The following EIF4H variants were observed in gnomAD, a reference collection of about 807,000 sequenced individuals.
EIF4H encodes eukaryotic translation initiation factor 4H.
EIF4H carries 8 observed loss-of-function variants against 30.6 expected under a neutral mutation model. The ratio of observed to expected loss-of-function variants is 0.26; its 90% CI spans 0.15 to 0.47. The LOEUF (loss-of-function observed/expected upper bound fraction) is 0.47, where lower values mean the gene tolerates loss of function less well. Among genes scored for constraint, EIF4H ranks in the 20% least tolerant of loss-of-function variants. The pLI, the probability that EIF4H is intolerant of heterozygous loss-of-function variation, is 0.99. For synonymous variants in EIF4H, 106 were observed against 122.7 expected, an observed-to-expected ratio of 0.86 and a Z score of 0.90; for missense variants, 188 against 339.5, an observed-to-expected ratio of 0.55 and a Z score of 3.51.
Position 74,196,690 on chromosome 7 carries a change from G to A in EIF4H, c.*1382G>A, listed in dbSNP as rs1341957722. ...CCAGGGTGGCCTGGGGCACCCAGCGGAATGTGCTTAGTATTTGGTCACCAG... is the reference window on the plus strand; with the variant it reads ...CCAGGGTGGCCTGGGGCACCCAGCGAAATGTGCTTAGTATTTGGTCACCAG... On this transcript the variant is annotated 3_prime_UTR_variant, in exon 7 of 7. Transcript: ENST00000265753. 2 of 151,520 alleles carry A rather than the reference G, an allele frequency of 1.3e-5. No homozygotes were observed. Among genetic ancestry groups the A allele is most frequent in the African/African-American group, 4.8e-5 (2 of 41,252 alleles). The allele number at this position is 151,520 out of a possible 1,614,324, so 9.4% of individuals were successfully genotyped here.
At chr7:74,180,410 A>G (rs1358278181) in intron 1 of EIF4H, among the ~76,000 whole-genome samples, 3 of 152,224 alleles carry the variant, frequency 2.0e-5, no homozygotes, top group Admixed American at 2.0e-4. Flanking sequence ...AGGGTACTAA[A>G]AAGTGGGTCA....
intron 6 of EIF4H, 102 bp from the exon 7 acceptor site, chr7:74,195,067 T>A (rs1801313013): frequency 6.5e-7 from 1 of 1,546,792 alleles, no homozygotes; most frequent in South Asian, 1.2e-5. Flanking sequence ...CAGGTGAATT[T>A]TAGAAAGTGG....
intron 1 of EIF4H, among the ~76,000 whole-genome samples, chr7:74,183,063 T>C (rs1800999439): frequency 6.6e-6 from 1 of 152,214 alleles, no homozygotes; most frequent in African/African-American, 2.4e-5. Context: ...GTTTGTGCCT[T>C]CTCTACATTC....
In EIF4H at chr7:74,175,154, AT is replaced by A. The variant is rs200137346; in HGVS notation, c.59+715del. 6.0e-3 allele frequency among the ~76,000 whole-genome samples: 910 copies of A among 152,370 alleles called. 6 individuals are homozygous for A. Among genetic ancestry groups the A allele is most frequent in the Middle Eastern group, 0.01 (3 of 294 alleles). On this transcript the variant is annotated intron_variant, in intron 1 of 6. Transcript: ENST00000265753. Reference sequence around the variant, plus strand: ...CGCTCTGATCTGGAGAAGGAACCGCATTTAGCGTCGTCCTGATTGTTGTCAA... The same window carrying A: ...CGCTCTGATCTGGAGAAGGAACCGCATTAGCGTCGTCCTGATTGTTGTCAA...
intron 1 of EIF4H, among the ~76,000 whole-genome samples, chr7:74,178,576 G>A (rs1800891005): frequency 6.6e-6 from 1 of 151,918 alleles, no homozygotes; most frequent in South Asian, 2.1e-4. Context: ...TAAGCTTAGT[G>A]TTCTGGAAAG....
At chr7:74,193,983 T>C (rs1393940556) in intron 5 of EIF4H, among the ~76,000 whole-genome samples, 2 of 152,200 alleles carry the variant, frequency 1.3e-5, no homozygotes, top group African/African-American at 2.4e-5. Flanking sequence ...CTTAAGACCA[T>C]TGAGAAAATA....
chr7:74,176,638 A>T (rs565162009), intron 1 of EIF4H, among the ~76,000 whole-genome samples: 17 of 152,320 alleles, frequency 1.1e-4, no homozygotes, highest in African/African-American at 4.1e-4. Context: ...TCATCATAAA[A>T]CATAGTTTGG....
chr7:74,174,646 T>A (rs755883218), intron 1 of EIF4H, among the ~76,000 whole-genome samples: 3 of 151,550 alleles, frequency 2.0e-5, no homozygotes, highest in Non-Finnish European at 4.4e-5. Flanking sequence ...GGGTCTTGCT[T>A]GCGGGGCGGA....
chr7:74,182,464 T>G (rs1800984373), intron 1 of EIF4H, among the ~76,000 whole-genome samples: 1 of 152,238 alleles, frequency 6.6e-6, no homozygotes, highest in African/African-American at 2.4e-5. Context: ...GTGCCGGGAT[T>G]GCAGGTGTGA....
rs538029737 is a variant in EIF4H, at chr7:74,192,261, T to G, written c.469+1955T>G. On this transcript the variant is annotated intron_variant, in intron 5 of 6. Coordinates refer to ENST00000265753, the MANE Select transcript of EIF4H (RefSeq NM_022170.2). ...GTTTAGTTTGGGGGAAACGTGAAGT[T>G]AAATGTTTTAATACTAACTAGGCTT... Among the ~76,000 whole-genome samples the G allele has an allele frequency of 3.5e-4, 53 of 152,316 alleles. 2 individuals are homozygous for G. In the South Asian group the frequency reaches 0.01, roughly 30 times the overall value.
Position 74,196,508 on chromosome 7 carries a change from G to A in EIF4H, c.*1200G>A, listed in dbSNP as rs1801356634. On this transcript the variant is annotated 3_prime_UTR_variant, in exon 7 of 7. Coordinates refer to ENST00000265753, the MANE Select transcript of EIF4H (RefSeq NM_022170.2). ...ATGTGCAGGGTTCAGCAGTTATGTG[G>A]GAGTGCTAGGGGTTAGGCTTTTGAG... The A allele has an allele frequency of 6.6e-6, 1 of 152,456 alleles. No individual in the cohort carries two copies. Among genetic ancestry groups the A allele is most frequent in the South Asian group, 2.1e-4 (1 of 4,836 alleles). 9.4% of individuals were successfully genotyped at this position (152,456 alleles called of 1,614,324 possible).
Position 74,186,798 on chromosome 7 carries a change from T to A in EIF4H, c.60-813T>A, listed in dbSNP as rs1554709224. On this transcript the variant is annotated intron_variant, in intron 1 of 6. Coordinates refer to ENST00000265753, the MANE Select transcript of EIF4H (RefSeq NM_022170.2). ...AGGCAACAAGGAGAAATTTTTTTTT[T>A]TTTTTTTTTTTTTTTTTTTTTTTTT... is the stretch of plus-strand genomic sequence containing the variant. Among the ~76,000 whole-genome samples the A allele has an allele frequency of 2.3e-3, 22 of 9,442 alleles. 5 individuals are homozygous for A. The highest frequency in any genetic ancestry group is 0.011 in the African/African-American group (15 of 1,366). The allele number at this position is 9,442 out of a possible 152,430, so 6.2% of individuals were successfully genotyped here. A position where few individuals can be genotyped will look rare whatever the true frequency, so the allele number is the denominator to read the frequency against.
chr7:74,174,479 G>GA (rs1800789590), intron 1 of EIF4H, 37 bp downstream of exon 1: 2 of 1,364,552 alleles, frequency 1.5e-6, no homozygotes, highest in African/African-American at 3.0e-5. Context: ...CGGGGGCTGC[G>GA]GGACCGGCGG....
At chr7:74,184,552 A>G (rs968534517) in intron 1 of EIF4H, among the ~76,000 whole-genome samples, 1 of 152,192 alleles carries the variant, frequency 6.6e-6, no homozygotes, top group Non-Finnish European at 1.5e-5. Context: ...ATCATTACGC[A>G]TCACTAGATG....
rs2115979189 is a variant in EIF4H at position 74,189,694 on chromosome 7, A to G, written c.269A>G (p.Asp90Gly). 2 of 1,614,104 alleles carry G rather than the reference A, an allele frequency of 1.2e-6. No homozygotes were observed. Among genetic ancestry groups the G allele is most frequent in the African/African-American group, 1.3e-5 (1 of 75,058 alleles). ...KFKGFCYVEF[D>G]EVDSLKEALT... is the part of the protein sequence containing the mutation. ...CCAGGATTCTGCTATGTAGAATTCG[A>G]TGAAGTGGATTCCCTTAAGGAAGCC... Residue 90 changes from aspartate (D) to glycine (G), a missense_variant, in exon 3 of 7, where the codon GAT becomes GGT. Asp to Gly is a moderately conservative substitution (Grantham distance 94). Around this residue, in one of 4 missense-constraint regions of EIF4H, gnomAD observed 52 missense variants for 143.9 expected, o/e 0.36. Coordinates refer to ENST00000265753, the MANE Select transcript of EIF4H (RefSeq NM_022170.2).
Position 74,174,363 on chromosome 7 carries a change from C to G in EIF4H, c.-21C>G. 6.9e-7 allele frequency: 1 copy of G among 1,444,432 alleles called. No homozygotes were observed. The highest frequency in any genetic ancestry group is 9.2e-7 in the Non-Finnish European group (1 of 1,084,218). The allele number at this position is 1,444,432 out of a possible 1,614,324, so 89.5% of individuals were successfully genotyped here. A position where few individuals can be genotyped will look rare whatever the true frequency, so the allele number is the denominator to read the frequency against. On this transcript the variant is annotated 5_prime_UTR_variant, in exon 1 of 7. Coordinates refer to ENST00000265753, the MANE Select transcript of EIF4H (RefSeq NM_022170.2). Reference sequence around the variant, plus strand: ...GGTCCTTCCTCGCTCACCCTGGTTCCTCTCGGAGCGGAGACGGCAAATGGC... The same window carrying G: ...GGTCCTTCCTCGCTCACCCTGGTTCGTCTCGGAGCGGAGACGGCAAATGGC...
Position 74,174,358 on chromosome 7 carries a change from G to C in EIF4H, c.-26G>C, listed in dbSNP as rs782660185. The C allele has an allele frequency of 2.8e-6, 4 of 1,438,748 alleles. No homozygotes were observed. The highest frequency in any genetic ancestry group is 2.9e-5 in the East Asian group (1 of 33,950). 89.1% of individuals were successfully genotyped at this position (1,438,748 alleles called of 1,614,324 possible). ...TGCGGGGTCCTTCCTCGCTCACCCT[G>C]GTTCCTCTCGGAGCGGAGACGGCAA... On this transcript the variant is annotated 5_prime_UTR_variant, in exon 1 of 7. Transcript: ENST00000265753.
intron 1 of EIF4H, among the ~76,000 whole-genome samples, chr7:74,183,443 T>C (rs1554708755): frequency 6.6e-6 from 1 of 152,222 alleles, no homozygotes; most frequent in Non-Finnish European, 1.5e-5. Context: ...AATGTTTTTA[T>C]GGTCAGTTTT....
chr7:74,187,842 G>A (rs781967641), intron 2 of EIF4H, 44 bp downstream of exon 2: 3 of 1,450,538 alleles, frequency 2.1e-6, no homozygotes, highest in South Asian at 3.1e-5. Context: ...TAAAGTGTAG[G>A]GGAGGATGGG....
Sources: allele counts gnomAD v4.1 joint callset (sites outside exome capture counted in the v4.1 genomes callset), GRCh38; gene constraint gnomAD v4.1.1; regional missense constraint gnomAD v4.1.1; transcripts MANE v1.5; gene names NCBI Gene and HGNC (gene_info 2026-07-23, HGNC 2026-07-21).